Variants in SPATA12 observed in about 807,000 individuals in gnomAD.
The protein encoded by SPATA12 is spermatogenesis associated 12.
For missense variants in SPATA12, 219 were observed against 226.4 expected (o/e 0.97, Z 0.21); for synonymous variants, 85 against 89.2 (o/e 0.95, Z 0.26).
chr3:57,064,319 CTTTCTTTTTT>C (rs1240549152), intron 1 of SPATA12, among the ~76,000 whole-genome samples: 3 of 149,242 alleles, frequency 2.0e-5, no homozygotes, highest in African/African-American at 5.1e-5. Context: ...TTTTTTTTTT[CTTTCTTTTTT>C]TTTCTTTTTT....
intron 1 of SPATA12, among the ~76,000 whole-genome samples, chr3:57,072,301 G>T (rs1308022335): frequency 6.6e-6 from 1 of 152,148 alleles, no homozygotes; most frequent in East Asian, 1.9e-4. Flanking sequence ...GTCCACAGAA[G>T]TTTGTATATT....
At chr3:57,061,317 C>G (rs1705212745) in intron 1 of SPATA12, among the ~76,000 whole-genome samples, 1 of 151,510 alleles carries the variant, frequency 6.6e-6, no homozygotes, top group Admixed American at 6.6e-5. Context: ...TTTTTTTTTG[C>G]AATGGGGTCT....
At chr3:57,067,753 G>A (rs891546382) in intron 1 of SPATA12, among the ~76,000 whole-genome samples, 8 of 150,970 alleles carry the variant, frequency 5.3e-5, no homozygotes, top group Non-Finnish European at 8.8e-5. Context: ...AGGCCGAGGC[G>A]GGCGGATCAT....
At chr3:57,066,483 G>A (rs1344974393) in intron 1 of SPATA12, among the ~76,000 whole-genome samples, 2 of 152,168 alleles carry the variant, frequency 1.3e-5, no homozygotes, top group African/African-American at 4.8e-5. Context: ...GGCTGGTCTT[G>A]AACTCCTGAC....
Position 57,074,796 on chromosome 3 carries a change from C to T in SPATA12, c.*529C>T, listed in dbSNP as rs1270232307. 1 of 173,382 alleles carries T rather than the reference C, an allele frequency of 5.8e-6. No homozygotes were observed. Among genetic ancestry groups the T allele is most frequent in the Non-Finnish European group, 1.4e-5 (1 of 71,764 alleles). 10.7% of individuals were successfully genotyped at this position (173,382 alleles called of 1,614,324 possible). A position where few individuals can be genotyped will look rare whatever the true frequency, so the allele number is the denominator to read the frequency against. On this transcript the variant is annotated 3_prime_UTR_variant, in exon 2 of 2. Transcript: ENST00000334325. ...CTTACAATGTGCAGGATTATAACTC[C>T]AGCAATGACCCCTAGGCTCATGCTC...
rs768586626 is a variant in SPATA12, at chr3:57,073,650, C to G, written c.-45C>G. On this transcript the variant is annotated 5_prime_UTR_variant, in exon 2 of 2. Coordinates refer to ENST00000334325, the MANE Select transcript of SPATA12 (RefSeq NM_181727.2). ...CTCAGGGATTGGCTCCGGCCAAGTG[C>G]CCCAGCCTCCTTTTCTGGAGAATTC... 1.9e-6 allele frequency: 3 copies of G among 1,571,850 alleles called. No individual in the cohort carries two copies.
chr3:57,072,363 T>A (rs1452979500), intron 1 of SPATA12, among the ~76,000 whole-genome samples: 1 of 151,798 alleles, frequency 6.6e-6, no homozygotes, highest in Non-Finnish European at 1.5e-5. Flanking sequence ...GAGAAATGTA[T>A]ACGGTCAAAG....
Position 57,073,936 on chromosome 3 carries a change from C to T in SPATA12, c.242C>T (p.Thr81Ile), listed in dbSNP as rs1398690149. Reference protein sequence around the residue: ...TFQGDVCQSETCQRYLQAAIS... With the variant: ...TFQGDVCQSEICQRYLQAAIS... ...CAGGGGGATGTGTGCCAAAGTGAGA[C>T]CTGTCAGAGATATTTACAAGCAGCC... The change falls in exon 2 of 2, where the codon ACC (threonine) becomes ATC (isoleucine). Residue 81 changes from threonine (T) to isoleucine (I), a missense_variant. By Grantham distance (89) the Thr-to-Ile change is moderately conservative. Coordinates refer to ENST00000334325, the MANE Select transcript of SPATA12 (RefSeq NM_181727.2). 3 of 1,614,200 alleles carry T rather than the reference C, an allele frequency of 1.9e-6. No homozygotes were observed. The highest frequency in any genetic ancestry group is 2.5e-6 in the Non-Finnish European group (3 of 1,180,030).
chr3:57,065,981 T>G (rs1301282202), intron 1 of SPATA12, among the ~76,000 whole-genome samples: 2 of 151,676 alleles, frequency 1.3e-5, no homozygotes, highest in Non-Finnish European at 2.9e-5. Context: ...CTCAGGAGGC[T>G]GAGGCAGGAG....
chr3:57,062,791 A>G (rs912132882), intron 1 of SPATA12, among the ~76,000 whole-genome samples: 2 of 152,228 alleles, frequency 1.3e-5, no homozygotes, highest in Admixed American at 6.5e-5. Flanking sequence ...GGCAAGAATT[A>G]TATCATAATA....
intron 1 of SPATA12, among the ~76,000 whole-genome samples, chr3:57,072,685 T>C (rs1160988989): frequency 1.5e-4 from 21 of 136,772 alleles, no homozygotes; most frequent in African/African-American, 5.9e-4. Flanking sequence ...GAGGTTGCAG[T>C]GAGCTGAGAT....
chr3:57,062,872 C>T (rs1265961144), intron 1 of SPATA12, among the ~76,000 whole-genome samples: 1 of 152,176 alleles, frequency 6.6e-6, no homozygotes, highest in Non-Finnish European at 1.5e-5. Flanking sequence ...TTGTCTGTAC[C>T]AGGCAAGGCA....
At chr3:57,065,541 C>T (rs993127690) in intron 1 of SPATA12, among the ~76,000 whole-genome samples, 2 of 152,140 alleles carry the variant, frequency 1.3e-5, no homozygotes, top group Admixed American at 1.3e-4. Flanking sequence ...GTGGTGATAT[C>T]TGCACTACCG....
intron 1 of SPATA12, among the ~76,000 whole-genome samples, chr3:57,062,798 A>G (rs1020815561): frequency 3.9e-5 from 6 of 152,178 alleles, no homozygotes; most frequent in African/African-American, 1.4e-4. Context: ...ATTATATCAT[A>G]ATAGAAGAAT....
intron 1 of SPATA12, among the ~76,000 whole-genome samples, chr3:57,061,734 T>A (rs1705232645): frequency 6.6e-6 from 1 of 152,208 alleles, no homozygotes; most frequent in Non-Finnish European, 1.5e-5. Flanking sequence ...CCACCACAGC[T>A]AACTCTCAGT....
Position 57,074,024 on chromosome 3 carries a change from T to C in SPATA12, c.330T>C (p.Ala110=). The C allele has an allele frequency of 6.2e-7, 1 of 1,614,188 alleles. No individual in the cohort carries two copies. Among genetic ancestry groups the C allele is most frequent in the Non-Finnish European group, 8.5e-7 (1 of 1,180,026 alleles). ...NLLGRPSSPP[A]LLIQQGSCEQ... is the part of the protein sequence containing the mutation. ...TGGGAAGACCCTCTTCACCTCCAGC[T>C]CTCCTGATACAGCAAGGCAGTTGTG... is the stretch of plus-strand genomic sequence containing the variant. The change falls in exon 2 of 2, where the codon GCT becomes GCC. Residue 110 remains alanine, a synonymous_variant. Transcript: ENST00000334325.
At chr3:57,066,515 G>A (rs939320196) in intron 1 of SPATA12, among the ~76,000 whole-genome samples, 32 of 152,128 alleles carry the variant, frequency 2.1e-4, no homozygotes, top group African/African-American at 7.2e-4. Context: ...CATCCGCCTC[G>A]GCCTCCCAAA....
intron 1 of SPATA12, among the ~76,000 whole-genome samples, chr3:57,064,004 C>T (rs888028958): frequency 3.9e-5 from 6 of 152,224 alleles, no homozygotes; most frequent in Non-Finnish European, 7.3e-5. Context: ...TGCTGGCTCA[C>T]GCCTGTAATC....
Position 57,073,813 on chromosome 3 carries a change from C to G in SPATA12, c.119C>G (p.Ser40Cys). 1.9e-6 allele frequency: 3 copies of G among 1,614,220 alleles called. No homozygotes were observed. Among genetic ancestry groups the G allele is most frequent in the South Asian group, 1.1e-5 (1 of 91,088 alleles). Reference protein sequence around the residue: ...VPWPPRGLGSSTQHPNKPHCA... With the variant: ...VPWPPRGLGSCTQHPNKPHCA... ...TGGCCACCCAGAGGCCTTGGGTCATCCACCCAACATCCCAACAAACCCCAC... is the reference window on the plus strand; with the variant it reads ...TGGCCACCCAGAGGCCTTGGGTCATGCACCCAACATCCCAACAAACCCCAC... Residue 40 changes from serine (S) to cysteine (C), a missense_variant, in exon 2 of 2, where the codon TCC becomes TGC. Ser to Cys is a moderately radical substitution (Grantham distance 112). Coordinates refer to ENST00000334325, the MANE Select transcript of SPATA12 (RefSeq NM_181727.2).
Sources: allele counts gnomAD v4.1 joint callset (sites outside exome capture counted in the v4.1 genomes callset), GRCh38; gene constraint gnomAD v4.1.1; transcripts MANE v1.5; gene names NCBI Gene and HGNC (gene_info 2026-07-23, HGNC 2026-07-21).